Variants in RMST observed in about 807,000 individuals in gnomAD.
RMST encodes the protein long intergenic non-protein coding RNA 54.
At chr12:97,471,106 T>C (rs905681124) in intron 5 of RMST, among the ~76,000 whole-genome samples, 10 of 152,100 alleles carry the variant, frequency 6.6e-5, no homozygotes, top group African/African-American at 2.4e-4. Context: ...TTTTACTTCA[T>C]AGGAAAATCC....
chr12:97,504,239 A>G (rs1234598721), intron 10 of RMST, among the ~76,000 whole-genome samples: 2 of 152,016 alleles, frequency 1.3e-5, no homozygotes, highest in East Asian at 3.9e-4. Context: ...CCCCATTTCT[A>G]CTGAAAATAC....
chr12:97,526,962 G>A (rs935982849), intron 10 of RMST, among the ~76,000 whole-genome samples: 8 of 152,046 alleles, frequency 5.3e-5, no homozygotes, highest in African/African-American at 1.9e-4. Flanking sequence ...ACAGATTCTT[G>A]GTAAGGTTTA....
intron 10 of RMST, among the ~76,000 whole-genome samples, chr12:97,506,761 G>A (rs561414775): frequency 7.3e-6 from 1 of 136,500 alleles, no homozygotes; most frequent in East Asian, 2.2e-4. Flanking sequence ...TCCGCTCACT[G>A]CAACCTCTGC....
intron 10 of RMST, chr12:97,496,170 G>A (rs1017145000): frequency 6.6e-6 from 1 of 152,084 alleles, no homozygotes; most frequent in Admixed American, 6.6e-5. Context: ...TGAAATGCCT[G>A]GGGTATTTAA....
intron 10 of RMST, among the ~76,000 whole-genome samples, chr12:97,512,831 CA>C (rs1184315411): frequency 1.3e-5 from 2 of 152,222 alleles, no homozygotes; most frequent in Non-Finnish European, 2.9e-5. Context: ...CGCAGTGGAG[CA>C]GGGGGCGGCG....
intron 11 of RMST, among the ~76,000 whole-genome samples, chr12:97,552,708 G>A (rs1282455765): frequency 1.3e-5 from 2 of 152,188 alleles, no homozygotes; most frequent in African/African-American, 4.8e-5. Flanking sequence ...TTTTGTTGTT[G>A]TTGTTGCTGT....
intron 10 of RMST, among the ~76,000 whole-genome samples, chr12:97,514,660 G>A (rs1879754896): frequency 6.7e-6 from 1 of 148,338 alleles, no homozygotes; most frequent in African/African-American, 2.6e-5. Flanking sequence ...TTCTTGGAAA[G>A]TATATTGTTT....
intron 5 of RMST, chr12:97,465,790 G>T (rs1873113016): frequency 6.6e-6 from 1 of 152,038 alleles, no homozygotes; most frequent in Non-Finnish European, 1.5e-5. Context: ...CTTGCCAGTA[G>T]CATTGGAAAA....
intron 5 of RMST, among the ~76,000 whole-genome samples, chr12:97,482,863 G>T (rs547936724): frequency 6.8e-6 from 1 of 147,234 alleles, no homozygotes; most frequent in African/African-American, 2.5e-5. Flanking sequence ...GTTTATGGGG[G>T]TGATTAGTGC....
At chr12:97,487,862 G>T (rs1014252258) in intron 5 of RMST, among the ~76,000 whole-genome samples, 10 of 152,196 alleles carry the variant, frequency 6.6e-5, no homozygotes, top group South Asian at 2.1e-4. Flanking sequence ...TCTCTTGCCA[G>T]TAGAAGTCAT....
chr12:97,538,562 T>TAAG (rs1882266265), intron 11 of RMST, among the ~76,000 whole-genome samples: 1 of 151,318 alleles, frequency 6.6e-6, no homozygotes. Context: ...TAATGCATAA[T>TAAG]AAGTCTCCTC....
chr12:97,465,399 A>G (rs577781075), intron 4 of RMST, among the ~76,000 whole-genome samples: 45 of 152,298 alleles, frequency 3.0e-4, no homozygotes, highest in Non-Finnish European at 2.2e-4. Context: ...CTTGTTAGAA[A>G]GGAGCCTTGG....
intron 10 of RMST, among the ~76,000 whole-genome samples, chr12:97,519,080 A>T (rs968062002): frequency 8.5e-5 from 13 of 152,112 alleles, no homozygotes; most frequent in Admixed American, 2.0e-4. Flanking sequence ...ACCCAACCAA[A>T]TCTCACCTCT....
At chr12:97,510,146 A>G (rs77710416) in intron 10 of RMST, among the ~76,000 whole-genome samples, 2,050 of 152,324 alleles carry the variant, frequency 0.013, 32 homozygotes, top group African/African-American at 0.046. Flanking sequence ...AGTATCTGCT[A>G]TGTTTCATTC....
At chr12:97,527,469 T>C (rs1881226685) in intron 10 of RMST, among the ~76,000 whole-genome samples, 1 of 152,186 alleles carries the variant, frequency 6.6e-6, no homozygotes. Flanking sequence ...AGTTGGACTT[T>C]GTGGCCACAG....
At chr12:97,512,743 G>T (rs1177630511) in intron 10 of RMST, among the ~76,000 whole-genome samples, 1 of 152,210 alleles carries the variant, frequency 6.6e-6, no homozygotes, top group East Asian at 1.9e-4. Context: ...CCCGCACCGG[G>T]GCTGCAGGTG....
chr12:97,504,402 T>TAAAAA (rs754529152), intron 10 of RMST, among the ~76,000 whole-genome samples: 1 of 125,230 alleles, frequency 8.0e-6, no homozygotes, highest in African/African-American at 3.1e-5. Context: ...AGACTTCATT[T>TAAAAA]CAAAAAAAAA....
chr12:97,535,951 G>A (rs1028163282), intron 11 of RMST, among the ~76,000 whole-genome samples: 4 of 151,334 alleles, frequency 2.6e-5, no homozygotes, highest in Non-Finnish European at 4.4e-5. Flanking sequence ...CCAATCATTA[G>A]GCTTTTTAAA....
chr12:97,480,241 C>G (rs1018859143), intron 5 of RMST, among the ~76,000 whole-genome samples: 2 of 152,132 alleles, frequency 1.3e-5, no homozygotes, highest in East Asian at 1.9e-4. Flanking sequence ...AGGCGCCCAC[C>G]ACCACGCCTG....
Sources: allele counts gnomAD v4.1 joint callset (sites outside exome capture counted in the v4.1 genomes callset), GRCh38; gene constraint gnomAD v4.1.1; transcripts MANE v1.5; gene names NCBI Gene and HGNC (gene_info 2026-07-23, HGNC 2026-07-21).